The following CSMD1 variants were observed in gnomAD, a reference collection of about 807,000 sequenced individuals.
The protein encoded by CSMD1 is CUB and Sushi multiple domains 1, also known as CUB and sushi domain-containing protein 1.
A neutral mutation model predicts 417.5 loss-of-function variants in CSMD1; 213 were observed. That is an observed-to-expected ratio of 0.51 (90% CI 0.46 to 0.57). CSMD1 has a LOEUF of 0.57. Among genes scored for constraint, CSMD1 ranks in the 20% least tolerant of loss-of-function variants. CSMD1 has a pLI of 0.00. For missense variants in CSMD1, 6,923 were observed against 4,529.7 expected (o/e 1.53, Z -15.17); for synonymous variants, 2,862 against 1,736.8 (o/e 1.65, Z -16.11).
At chr8:3,483,891 G>C (rs140259958) in intron 11 of CSMD1, among the ~76,000 whole-genome samples, 1 of 152,254 alleles carries the variant, frequency 6.6e-6, no homozygotes, top group East Asian at 1.9e-4. Context: ...GAAAGAACAT[G>C]ATATATCAGC....
At chr8:4,953,313 A>C (rs918267977) in intron 1 of CSMD1, among the ~76,000 whole-genome samples, 14 of 152,174 alleles carry the variant, frequency 9.2e-5, no homozygotes, top group African/African-American at 3.4e-4. Context: ...ATATCTATTC[A>C]CAATTGAACT....
At chr8:3,848,168 C>T (rs1173094354) in intron 5 of CSMD1, among the ~76,000 whole-genome samples, 1 of 151,840 alleles carries the variant, frequency 6.6e-6, no homozygotes, top group African/African-American at 2.4e-5. Flanking sequence ...GAGAAGTTGG[C>T]ATTTTTTACA....
intron 5 of CSMD1, among the ~76,000 whole-genome samples, chr8:3,865,776 T>C (rs999082172): frequency 3.9e-5 from 6 of 152,192 alleles, no homozygotes; most frequent in South Asian, 2.1e-4. Flanking sequence ...GTTTCCGTCA[T>C]ATTTCTCTAA....
At chr8:3,893,616 C>G (rs921967131) in intron 5 of CSMD1, among the ~76,000 whole-genome samples, 2 of 151,856 alleles carry the variant, frequency 1.3e-5, no homozygotes, top group South Asian at 2.1e-4. Context: ...TTAGAATCTA[C>G]TTACTGTGCA....
intron 25 of CSMD1, among the ~76,000 whole-genome samples, chr8:3,293,646 CG>C (rs1488006923): frequency 6.6e-6 from 1 of 152,158 alleles, no homozygotes; most frequent in African/African-American, 2.4e-5. Flanking sequence ...GCATTTGTCA[CG>C]TAGTCCTCGT....
chr8:3,136,080 C>T (rs1049037802), intron 41 of CSMD1, among the ~76,000 whole-genome samples: 21 of 152,214 alleles, frequency 1.4e-4, no homozygotes, highest in Non-Finnish European at 2.8e-4. Context: ...TCATGGGGAA[C>T]ATCCTGGATC....
At chr8:3,951,752 A>C (rs1449728685) in intron 5 of CSMD1, among the ~76,000 whole-genome samples, 1 of 152,178 alleles carries the variant, frequency 6.6e-6, no homozygotes, top group Admixed American at 6.5e-5. Context: ...AACGTAATAG[A>C]TGAGTAGAAA....
At chr8:3,535,044 C>T (rs1798135802) in intron 10 of CSMD1, among the ~76,000 whole-genome samples, 2 of 152,268 alleles carry the variant, frequency 1.3e-5, no homozygotes, top group South Asian at 4.1e-4. Flanking sequence ...AACTCCTGGG[C>T]TTAAGCCAGT....
chr8:4,775,753 A>C (rs1796821674), intron 1 of CSMD1, among the ~76,000 whole-genome samples: 1 of 152,182 alleles, frequency 6.6e-6, no homozygotes, highest in Non-Finnish European at 1.5e-5. Flanking sequence ...CTGCCATCCA[A>C]GAGTCTGCTC....
chr8:3,455,809 G>T (rs1816086650), intron 12 of CSMD1, among the ~76,000 whole-genome samples: 1 of 152,216 alleles, frequency 6.6e-6, no homozygotes, highest in Non-Finnish European at 1.5e-5. Context: ...CAAGCTGCAT[G>T]CTGGGAGAAC....
chr8:3,994,514 G>T (rs1815050497), intron 5 of CSMD1, among the ~76,000 whole-genome samples: 1 of 144,170 alleles, frequency 6.9e-6, no homozygotes, highest in Admixed American at 6.9e-5. Context: ...CTAATTGCAA[G>T]AAAAATAATG....
chr8:3,381,386 ATG>A (rs1810617339), intron 18 of CSMD1, among the ~76,000 whole-genome samples: 1 of 152,192 alleles, frequency 6.6e-6, no homozygotes, highest in South Asian at 2.1e-4. Flanking sequence ...AGAAAGCCAT[ATG>A]TGTTTGCATG....
intron 52 of CSMD1, among the ~76,000 whole-genome samples, chr8:3,001,557 T>C (rs568632136): frequency 2.6e-5 from 4 of 152,296 alleles, no homozygotes; most frequent in Non-Finnish European, 5.9e-5. Context: ...TCTCCTATAG[T>C]TGCATCAACA....
intron 3 of CSMD1, among the ~76,000 whole-genome samples, chr8:4,114,250 A>T (rs1358673199): frequency 6.6e-6 from 1 of 152,204 alleles, no homozygotes; most frequent in African/African-American, 2.4e-5. Context: ...TGAAAATCCT[A>T]GGGCTCTTAA....
intron 30 of CSMD1, among the ~76,000 whole-genome samples, chr8:3,210,738 G>C (rs991589899): frequency 2.7e-5 from 4 of 149,026 alleles, no homozygotes; most frequent in Admixed American, 6.7e-5. Context: ...TTTTTCTTTA[G>C]CCACAGAAAA....
chr8:2,967,045 G>T (rs1424642590), intron 57 of CSMD1, among the ~76,000 whole-genome samples: 2 of 152,190 alleles, frequency 1.3e-5, no homozygotes, highest in Non-Finnish European at 2.9e-5. Context: ...TTCAGGGACT[G>T]AATGTTTTTA....
intron 27 of CSMD1, among the ~76,000 whole-genome samples, chr8:3,229,173 G>A (rs1226052556): frequency 6.6e-6 from 1 of 151,918 alleles, no homozygotes; most frequent in Non-Finnish European, 1.5e-5. Flanking sequence ...ACCCCCTCAA[G>A]GTCATCCTAT....
At chr8:4,197,088 T>G (rs1799380385) in intron 3 of CSMD1, among the ~76,000 whole-genome samples, 1 of 152,156 alleles carries the variant, frequency 6.6e-6, no homozygotes, top group Non-Finnish European at 1.5e-5. Context: ...AAATGAAACA[T>G]CAAGATGAAG....
intron 10 of CSMD1, among the ~76,000 whole-genome samples, chr8:3,524,368 AGTGCACACAT>A (rs1048805963): frequency 2.8e-5 from 4 of 145,342 alleles, no homozygotes; most frequent in African/African-American, 5.1e-5. Context: ...GGCGCACACA[AGTGCACACAT>A]GCACATACAC....
Sources: gnomAD v4.1 joint callset for allele counts (sites outside exome capture counted in the v4.1 genomes callset) on GRCh38, gnomAD v4.1.1 for gene constraint, MANE v1.5 for transcripts, NCBI Gene and HGNC (gene_info 2026-07-23, HGNC 2026-07-21) for gene names.